Variants in CDH13 observed in about 807,000 individuals in gnomAD.
CDH13 encodes the protein cadherin 13, also known as cadherin-13.
In CDH13, 24 loss-of-function variants were observed where a neutral mutation model predicts 63.8. That is an observed-to-expected ratio of 0.38 (90% CI 0.27 to 0.53). The LOEUF is 0.53. Ranked by LOEUF, CDH13 falls within the 20% of genes least tolerant of loss-of-function variation. The probability of loss-of-function intolerance (pLI) is 0.85; values close to 1 mark genes in which losing one functional copy is unlikely to be tolerated. For synonymous variants in CDH13, 503 were observed against 355.3 expected (o/e 1.42, Z -4.67); for missense variants, 1,049 against 903.1 (o/e 1.16, Z -2.07).
intron 5 of CDH13, among the ~76,000 whole-genome samples, chr16:83,238,337 C>T (rs111416377): frequency 0.11 from 16,621 of 152,184 alleles, 1,011 homozygotes; most frequent in African/African-American, 0.15. Flanking sequence ...GGCAAGAGAG[C>T]GTGTGCAGGG....
intron 11 of CDH13, among the ~76,000 whole-genome samples, chr16:83,750,247 G>C (rs954700360): frequency 6.6e-6 from 1 of 152,048 alleles, no homozygotes. Context: ...AGTGAGCCGA[G>C]ATTATGCCAC....
intron 7 of CDH13, among the ~76,000 whole-genome samples, chr16:83,500,293 TCTCCTTCTCCTTCTCC>T (rs2074244018): frequency 5.3e-4 from 1 of 1,886 alleles, no homozygotes; most frequent in African/African-American, 5.8e-4. Context: ...TTCTTCTTCT[TCTCCTTCTCCTTCTCC>T]TTCTCCTTCT....
At position 82,828,023 on chromosome 16, in the gene CDH13, A is replaced by G. The variant is rs147748239; in HGVS notation, c.46-30339A>G. On this transcript the variant is annotated intron_variant, in intron 1 of 13. Coordinates refer to ENST00000567109, the MANE Select transcript of CDH13 (RefSeq NM_001257.5). ...ACACTCCGGGAAACCTCTCAGTTCT[A>G]GACAAACAGAGACAGTTGGTCATCC... Among the ~76,000 whole-genome samples, 403 of 152,296 alleles carry G rather than the reference A, an allele frequency of 2.6e-3. 4 individuals are homozygous for G. The highest frequency in any genetic ancestry group is 2.4e-3 in the Non-Finnish European group (164 of 68,024).
At chr16:83,027,636 G>A (rs1448270884) in intron 2 of CDH13, among the ~76,000 whole-genome samples, 1 of 152,146 alleles carries the variant, frequency 6.6e-6, no homozygotes, top group Non-Finnish European at 1.5e-5. Flanking sequence ...AGACTCAGGT[G>A]GAGAAAAGCT....
intron 3 of CDH13, among the ~76,000 whole-genome samples, chr16:83,041,014 A>C (rs182330582): frequency 6.6e-6 from 1 of 152,214 alleles, no homozygotes; most frequent in African/African-American, 2.4e-5. Flanking sequence ...CTCACTGTAT[A>C]GGAAGCACTG....
chr16:83,255,976 A>G (rs910426455), intron 5 of CDH13, among the ~76,000 whole-genome samples: 1 of 152,080 alleles, frequency 6.6e-6, no homozygotes, highest in Non-Finnish European at 1.5e-5. Flanking sequence ...TTTGATGCAG[A>G]CCCAACTTCC....
At chr16:83,026,720 T>C (rs1340083508) in intron 2 of CDH13, among the ~76,000 whole-genome samples, 1 of 152,152 alleles carries the variant, frequency 6.6e-6, no homozygotes, top group African/African-American at 2.4e-5. Context: ...GTACAGTCCT[T>C]TGCATAGAGC....
intron 3 of CDH13, among the ~76,000 whole-genome samples, chr16:83,094,966 C>T (rs1021386337): frequency 9.9e-5 from 15 of 152,152 alleles, no homozygotes; most frequent in African/African-American, 3.6e-4. Flanking sequence ...CTTGTGTGAG[C>T]TTGAGGTCCT....
chr16:82,857,218 C>G (rs185606282), intron 1 of CDH13, among the ~76,000 whole-genome samples: 3 of 152,192 alleles, frequency 2.0e-5, no homozygotes, highest in African/African-American at 4.8e-5. Flanking sequence ...TCTAGAATTT[C>G]GAGTTCGTCT....
At chr16:83,604,217 G>A (rs1567799348) in intron 8 of CDH13, among the ~76,000 whole-genome samples, 1 of 152,078 alleles carries the variant, frequency 6.6e-6, no homozygotes, top group Non-Finnish European at 1.5e-5. Context: ...TGGGCACTCA[G>A]GATTCCAACC....
intron 3 of CDH13, among the ~76,000 whole-genome samples, chr16:83,041,172 C>G (rs1917300788): frequency 6.6e-6 from 1 of 152,172 alleles, no homozygotes; most frequent in African/African-American, 2.4e-5. Flanking sequence ...AAACTGGTCT[C>G]TTAATCAAGT....
At chr16:83,436,714 AAAAAG>A (rs1347936889) in intron 6 of CDH13, among the ~76,000 whole-genome samples, 4 of 152,360 alleles carry the variant, frequency 2.6e-5, no homozygotes, top group African/African-American at 9.6e-5. Context: ...TTCTGATAGT[AAAAAG>A]AAAAGTTGGA....
At chr16:83,757,188 A>G (rs1283871777) in intron 11 of CDH13, among the ~76,000 whole-genome samples, 6 of 152,256 alleles carry the variant, frequency 3.9e-5, no homozygotes, top group African/African-American at 1.4e-4. Flanking sequence ...ATCAAAAACA[A>G]AAATAGAAAT....
rs536830951 is a variant in CDH13, at chr16:83,573,401, A to G, written c.961-29053A>G. 2.0e-5 allele frequency among the ~76,000 whole-genome samples: 3 copies of G among 152,254 alleles called. No homozygotes were observed. In the South Asian group the frequency reaches 6.2e-4, roughly 31 times the overall value. On this transcript the variant is annotated intron_variant, in intron 7 of 13. Transcript: ENST00000567109. ...AAAAAAACCGGAATGACAGTCTGTCAGCATGGAGGTGACCACTGAACCTGT... is the reference window on the plus strand; with the variant it reads ...AAAAAAACCGGAATGACAGTCTGTCGGCATGGAGGTGACCACTGAACCTGT...
rs1420294445 is a variant in CDH13 at position 83,678,212 on chromosome 16, T to C, written c.1289T>C (p.Leu430Ser). ...NEGMLSVVKP[L>S]DYEISAFHTL... is the part of the protein sequence containing the mutation. ...ACCCTTCTGTCTGCTTTCCAGCCAT[T>C]GGACTATGAAATTTCTGCCTTCCAC... Residue 430 changes from leucine (L) to serine (S), a missense_variant, in exon 10 of 14, where the codon TTG becomes TCG. Transcript: ENST00000567109. 1 of 1,611,030 alleles carries C rather than the reference T, an allele frequency of 6.2e-7. No individual in the cohort carries two copies. Among genetic ancestry groups the C allele is most frequent in the East Asian group, 2.2e-5 (1 of 44,800 alleles).
At chr16:83,437,330 G>A (rs1230402862) in intron 6 of CDH13, among the ~76,000 whole-genome samples, 1 of 152,056 alleles carries the variant, frequency 6.6e-6, no homozygotes, top group East Asian at 1.9e-4. Context: ...TATCCATAAA[G>A]CGTTTAGAAC....
intron 1 of CDH13, among the ~76,000 whole-genome samples, chr16:82,747,436 T>C (rs549296635): frequency 6.8e-6 from 1 of 146,384 alleles, no homozygotes; most frequent in South Asian, 2.3e-4. Context: ...GTCTGGATTA[T>C]TTCACGTATT....
chr16:83,038,115 C>T (rs539632627), intron 3 of CDH13, among the ~76,000 whole-genome samples: 2 of 152,350 alleles, frequency 1.3e-5, no homozygotes, highest in South Asian at 4.1e-4. Context: ...CGATTTCACA[C>T]TTGCTCATTT....
At chr16:83,119,503 A>G (rs1473262377) in intron 3 of CDH13, among the ~76,000 whole-genome samples, 3 of 152,184 alleles carry the variant, frequency 2.0e-5, no homozygotes, top group Admixed American at 2.0e-4. Context: ...ACCAGAAGTC[A>G]AGAGATCTTA....
Sources: gnomAD v4.1 joint callset for allele counts (sites outside exome capture counted in the v4.1 genomes callset) on GRCh38, gnomAD v4.1.1 for gene constraint, MANE v1.5 for transcripts, NCBI Gene and HGNC (gene_info 2026-07-23, HGNC 2026-07-21) for gene names.